Variants in NRXN1 observed in about 807,000 individuals in gnomAD.
NRXN1 encodes the protein neurexin 1, also known as neurexin-1.
In NRXN1, 39 loss-of-function variants were observed where a neutral mutation model predicts 150.9. The observed-to-expected ratio is 0.26, with a 90% CI of 0.20 to 0.34. NRXN1 has a LOEUF of 0.34. Ranked by LOEUF, NRXN1 falls within the 10% of genes least tolerant of loss-of-function variation. The pLI is 1.00. For missense variants in NRXN1, 1,815 were observed against 1,949.9 expected (o/e 0.93, Z 1.30); for synonymous variants, 924 against 757.0 (o/e 1.22, Z -3.62).
intron 2 of NRXN1, among the ~76,000 whole-genome samples, chr2:50,956,550 C>G (rs1434856599): frequency 6.6e-6 from 1 of 151,884 alleles, no homozygotes; most frequent in African/African-American, 2.4e-5. Context: ...GAGTTCAAAA[C>G]CAGCCTGGCC....
Position 51,028,057 on chromosome 2 carries a change from C to G in NRXN1, c.217G>C (p.Glu73Gln), listed in dbSNP as rs1244838607. Residue 73 changes from glutamate (E) to glutamine (Q), a missense_variant, in exon 2 of 23, where the codon GAG becomes CAG. This residue lies in a region of NRXN1 where 554 missense variants were observed against 478.8 expected (regional missense o/e 1.16). Transcript: ENST00000401669. ...AGCTCCAGGAAGTCGCAGAAGCCCT[C>G]GTCGTCGAAGTAGAGCACGAGGCCG... ...ARGLVLYFDD[E>Q]GFCDFLELIL... The G allele has an allele frequency of 6.3e-7, 1 of 1,598,056 alleles. No homozygotes were observed. Among genetic ancestry groups the G allele is most frequent in the Non-Finnish European group, 8.5e-7 (1 of 1,176,212 alleles).
intron 17 of NRXN1, among the ~76,000 whole-genome samples, chr2:50,255,150 AC>A (rs973882060): frequency 1.3e-5 from 2 of 151,806 alleles, no homozygotes; most frequent in East Asian, 1.9e-4. Flanking sequence ...AAACAAACAA[AC>A]AAAAAAAACT....
chr2:50,747,158 C>T (rs928525907), intron 5 of NRXN1, among the ~76,000 whole-genome samples: 1 of 152,092 alleles, frequency 6.6e-6, no homozygotes, highest in South Asian at 2.1e-4. Flanking sequence ...TCATATACAA[C>T]GGGTCATTTA....
chr2:50,744,209 T>A (rs1178085611), intron 5 of NRXN1, among the ~76,000 whole-genome samples: 2 of 152,064 alleles, frequency 1.3e-5, no homozygotes, highest in Admixed American at 6.6e-5. Context: ...ATAAACACCA[T>A]CACAGTTAAT....
In NRXN1 at chr2:51,028,304, C is replaced by G. The variant is rs774347162; in HGVS notation, c.-31G>C. ...GGGCTGGGGTGCGGCGGGGGGGTGC[C>G]GGGGCCGACAGGGTCAAAATGGTCC... On this transcript the variant is annotated 5_prime_UTR_variant, in exon 2 of 23. Coordinates refer to ENST00000401669, the MANE Select transcript of NRXN1 (RefSeq NM_001330078.2). The G allele has an allele frequency of 1.2e-5, 17 of 1,396,528 alleles. 1 individual carries two copies. The South Asian group carries it at 2.6e-4, about 21-fold the overall frequency. 86.5% of individuals were successfully genotyped at this position (1,396,528 alleles called of 1,614,324 possible).
chr2:50,223,306 A>G (rs2064055711), intron 18 of NRXN1, among the ~76,000 whole-genome samples: 1 of 152,006 alleles, frequency 6.6e-6, no homozygotes, highest in Admixed American at 6.6e-5. Context: ...AACAATTAAC[A>G]ATATCTACAT....
At chr2:50,922,957 A>G (rs1686289979) in intron 3 of NRXN1, among the ~76,000 whole-genome samples, 1 of 151,844 alleles carries the variant, frequency 6.6e-6, no homozygotes, top group South Asian at 2.1e-4. Context: ...CAAGAGCATG[A>G]CTTAAAATCC....
At chr2:50,356,660 G>A (rs945766382) in intron 17 of NRXN1, among the ~76,000 whole-genome samples, 9 of 152,116 alleles carry the variant, frequency 5.9e-5, no homozygotes, top group African/African-American at 2.2e-4. Context: ...CATTATGCCT[G>A]CAAAGCAATG....
chr2:50,732,164 T>A (rs886379209), intron 5 of NRXN1, among the ~76,000 whole-genome samples: 20 of 152,156 alleles, frequency 1.3e-4, no homozygotes, highest in Admixed American at 4.6e-4. Context: ...TAAAACATAA[T>A]TTGTTCCCCA....
intron 21 of NRXN1, among the ~76,000 whole-genome samples, chr2:50,012,990 G>C (rs577220785): frequency 6.6e-6 from 1 of 151,938 alleles, no homozygotes; most frequent in Admixed American, 6.6e-5. Flanking sequence ...CTTTTGTGGG[G>C]GAGAAACCCT....
chr2:50,088,379 T>A (rs752246191), intron 19 of NRXN1, among the ~76,000 whole-genome samples: 11 of 152,192 alleles, frequency 7.2e-5, no homozygotes, highest in Non-Finnish European at 1.6e-4. Context: ...GTGACTCCCC[T>A]GAGTTCTTTA....
At chr2:50,655,036 T>A (rs907496756) in intron 5 of NRXN1, among the ~76,000 whole-genome samples, 1 of 151,928 alleles carries the variant, frequency 6.6e-6, no homozygotes, top group Non-Finnish European at 1.5e-5. Context: ...ACATGTCAGA[T>A]CTTGATGTAA....
At chr2:50,021,191 C>A (rs1687510425) in intron 21 of NRXN1, among the ~76,000 whole-genome samples, 1 of 152,106 alleles carries the variant, frequency 6.6e-6, no homozygotes, top group African/African-American at 2.4e-5. Flanking sequence ...CATAATACTG[C>A]ACAAATAGTG....
chr2:49,992,646 C>A (rs932536275), intron 21 of NRXN1, among the ~76,000 whole-genome samples: 17 of 151,960 alleles, frequency 1.1e-4, no homozygotes, highest in Non-Finnish European at 2.1e-4. Context: ...AAGCCACAGA[C>A]TAGCAAAAAA....
rs530865214 is a variant in NRXN1 at position 50,216,826 on chromosome 2, T to C, written c.3546+19963A>G. ...TCAGATTTGGGTGTGATTCCAAACATGCACCTGCCATCCTCAAAGCAGAGA... is the reference window on the plus strand; with the variant it reads ...TCAGATTTGGGTGTGATTCCAAACACGCACCTGCCATCCTCAAAGCAGAGA... On this transcript the variant is annotated intron_variant, in intron 18 of 22. Transcript: ENST00000401669. Among the ~76,000 whole-genome samples the C allele has an allele frequency of 2.6e-5, 4 of 152,178 alleles. No homozygotes were observed. In the East Asian group the frequency reaches 5.8e-4, roughly 22 times the overall value.
intron 17 of NRXN1, among the ~76,000 whole-genome samples, chr2:50,255,614 T>TG (rs978901165): frequency 6.6e-6 from 1 of 152,072 alleles, no homozygotes; most frequent in African/African-American, 2.4e-5. Flanking sequence ...GTGAAAATGG[T>TG]GGAGAAAAAC....
At chr2:50,060,222 G>C (rs1374238305) in intron 19 of NRXN1, among the ~76,000 whole-genome samples, 1 of 152,166 alleles carries the variant, frequency 6.6e-6, no homozygotes, top group African/African-American at 2.4e-5. Flanking sequence ...GCATGACCTG[G>C]ATGTAAAACA....
intron 18 of NRXN1, among the ~76,000 whole-genome samples, chr2:50,160,925 T>C (rs941423789): frequency 2.0e-5 from 3 of 152,148 alleles, no homozygotes; most frequent in African/African-American, 7.2e-5. Flanking sequence ...AATAGTAGCA[T>C]CCTATGAAAA....
chr2:50,850,334 G>A (rs1256707328), intron 5 of NRXN1, among the ~76,000 whole-genome samples: 2 of 152,048 alleles, frequency 1.3e-5, no homozygotes, highest in Non-Finnish European at 2.9e-5. Flanking sequence ...ACAAGGTGCT[G>A]AGTGGCTAGG....
Sources: gnomAD v4.1 joint callset for allele counts (sites outside exome capture counted in the v4.1 genomes callset) on GRCh38, gnomAD v4.1.1 for gene constraint, gnomAD v4.1.1 regional missense constraint, MANE v1.5 for transcripts, NCBI Gene and HGNC (gene_info 2026-07-23, HGNC 2026-07-21) for gene names.